The following CCDC178 variants were observed in gnomAD, a reference collection of about 807,000 sequenced individuals.
CCDC178 encodes the protein coiled-coil domain-containing protein 178.
Under a neutral mutation model 117.4 loss-of-function variants are expected in CCDC178, and 126 were observed. The observed-to-expected ratio is 1.07, with a 90% CI of 0.93 to 1.24. The LOEUF is 1.24. Ranked by LOEUF, CCDC178 falls within the 50% of genes most tolerant of loss-of-function variation. The pLI, the probability that CCDC178 is intolerant of heterozygous loss-of-function variation, is 0.00. For synonymous variants in CCDC178, 283 were observed against 313.4 expected (o/e 0.90, Z 1.02); for missense variants, 1,030 against 986.9 (o/e 1.04, Z -0.59).
chr18:33,014,654 C>T (rs562716139), intron 21 of CCDC178, among the ~76,000 whole-genome samples: 21 of 152,276 alleles, frequency 1.4e-4, no homozygotes, highest in Non-Finnish European at 3.1e-4. Flanking sequence ...GTATAACACA[C>T]ACACACAGAG....
intron 20 of CCDC178, among the ~76,000 whole-genome samples, chr18:33,126,782 C>T (rs1039725153): frequency 5.9e-5 from 9 of 152,030 alleles, no homozygotes; most frequent in African/African-American, 2.2e-4. Flanking sequence ...CCTCAGCCTC[C>T]CGAGTAGCTG....
intron 3 of CCDC178, among the ~76,000 whole-genome samples, chr18:33,403,625 A>C (rs544733892): frequency 8.5e-5 from 13 of 152,356 alleles, no homozygotes; most frequent in Non-Finnish European, 1.5e-4. Context: ...TTCTCTTAAA[A>C]GAAAAAGCTG....
At chr18:33,068,157 A>C (rs868239018) in intron 21 of CCDC178, among the ~76,000 whole-genome samples, 3 of 152,276 alleles carry the variant, frequency 2.0e-5, no homozygotes, top group Non-Finnish European at 4.4e-5. Flanking sequence ...AATGAGTAAC[A>C]AGGTTGAATC....
chr18:32,960,853 T>C (rs2054690334), intron 22 of CCDC178, among the ~76,000 whole-genome samples: 1 of 152,194 alleles, frequency 6.6e-6, no homozygotes, highest in African/African-American at 2.4e-5. Flanking sequence ...TGACCCATAA[T>C]ATATTTACAA....
intron 11 of CCDC178, among the ~76,000 whole-genome samples, chr18:33,299,274 A>G (rs1367494273): frequency 6.6e-6 from 1 of 152,130 alleles, no homozygotes; most frequent in African/African-American, 2.4e-5. Flanking sequence ...ACTAAACAAC[A>G]TAGAAAACCC....
chr18:33,333,506 C>CTTTTTTTTTTTTTT, intron 9 of CCDC178, 112 bp from the exon 10 acceptor site: 1 of 147,902 alleles, frequency 6.8e-6, no homozygotes, highest in Non-Finnish European at 1.2e-5. Context: ...AATCTTACTA[C>CTTTTTTTTTTTTTT]TTTTTTTTTT....
chr18:33,431,970 A>G (rs370563876), intron 2 of CCDC178, among the ~76,000 whole-genome samples: 7 of 152,208 alleles, frequency 4.6e-5, no homozygotes, highest in East Asian at 1.9e-4. Flanking sequence ...GAGCCCAGCA[A>G]GGCTATGGTA....
At chr18:33,100,913 A>T (rs955549595) in intron 20 of CCDC178, among the ~76,000 whole-genome samples, 2 of 152,014 alleles carry the variant, frequency 1.3e-5, no homozygotes, top group Admixed American at 1.3e-4. Flanking sequence ...ATTATGTAAT[A>T]AGAAAAGGAG....
At chr18:33,141,378 G>A (rs1052594127) in intron 20 of CCDC178, among the ~76,000 whole-genome samples, 1 of 152,010 alleles carries the variant, frequency 6.6e-6, no homozygotes, top group Non-Finnish European at 1.5e-5. Context: ...CTCTGGCCTA[G>A]CCCCCAAACA....
intron 20 of CCDC178, among the ~76,000 whole-genome samples, chr18:33,148,348 G>C (rs1000387267): frequency 6.6e-6 from 1 of 152,178 alleles, no homozygotes; most frequent in Admixed American, 6.5e-5. Flanking sequence ...CAGGCAGGGA[G>C]GTTGCAGTGA....
chr18:33,011,767 CAAAAAAAAAAAAAAAAAAAAAAAAAAAA>C (rs71177899), intron 21 of CCDC178, among the ~76,000 whole-genome samples: 304 of 30,012 alleles, frequency 0.01, 8 homozygotes, highest in African/African-American at 0.02. Context: ...GAGCAGAATG[CAAAAAAAAAAAAAAAAAAAAAAAAAAAA>C]AAAAAAAAAA....
At chr18:32,975,027 C>A (rs954034701) in intron 21 of CCDC178, among the ~76,000 whole-genome samples, 9 of 152,190 alleles carry the variant, frequency 5.9e-5, no homozygotes, top group Admixed American at 4.6e-4. Flanking sequence ...ACATATTGAA[C>A]CTTTCTTGAA....
chr18:33,403,400 A>G (rs1568204676), intron 3 of CCDC178, among the ~76,000 whole-genome samples: 1 of 151,976 alleles, frequency 6.6e-6, no homozygotes, highest in Non-Finnish European at 1.5e-5. Flanking sequence ...GGGAAAGCAA[A>G]CCCTAGAGAA....
At chr18:33,064,040 C>T (rs1326002973) in intron 21 of CCDC178, among the ~76,000 whole-genome samples, 1 of 152,170 alleles carries the variant, frequency 6.6e-6, no homozygotes, top group African/African-American at 2.4e-5. Flanking sequence ...AAGTCTTTCC[C>T]TATGAATACC....
chr18:33,310,693 T>A (rs2062328939), intron 11 of CCDC178, among the ~76,000 whole-genome samples: 2 of 152,054 alleles, frequency 1.3e-5, no homozygotes, highest in African/African-American at 4.8e-5. Context: ...CTGAAAAAAA[T>A]AATTAATTTA....
rs1030097010 is a variant in CCDC178 at position 33,315,159 on chromosome 18, A to G, written c.1022+8332T>C. 2.6e-5 allele frequency among the ~76,000 whole-genome samples: 4 copies of G among 152,180 alleles called. No homozygotes were observed. The East Asian group carries it at 7.7e-4, about 29-fold the overall frequency. On this transcript the variant is annotated intron_variant, in intron 11 of 22. Transcript: ENST00000383096. The stretch of plus-strand genomic sequence containing the variant: ...ACAACAGGTATAGAAATTCTAGCCT[A>G]TAAGACTAGTGATGCCCTTACCCTC...
At chr18:33,003,466 C>T (rs564595091) in intron 21 of CCDC178, among the ~76,000 whole-genome samples, 31 of 152,134 alleles carry the variant, frequency 2.0e-4, no homozygotes, top group African/African-American at 7.5e-4. Context: ...GCTGTAAAAA[C>T]ATTTGATAAA....
chr18:33,364,956 G>A (rs1204326272), intron 6 of CCDC178, among the ~76,000 whole-genome samples: 2 of 151,968 alleles, frequency 1.3e-5, no homozygotes, highest in African/African-American at 4.8e-5. Context: ...CAGCAGACCA[G>A]GGGTGGGAGT....
intron 12 of CCDC178, among the ~76,000 whole-genome samples, chr18:33,288,332 C>T (rs1373379420): frequency 9.2e-6 from 1 of 108,924 alleles, no homozygotes; most frequent in Non-Finnish European, 1.9e-5. Context: ...CCTCTTCCCT[C>T]CTCTCTCCTC....
Sources: gnomAD v4.1 joint callset for allele counts (sites outside exome capture counted in the v4.1 genomes callset) on GRCh38, gnomAD v4.1.1 for gene constraint, MANE v1.5 for transcripts, NCBI Gene and HGNC (gene_info 2026-07-23, HGNC 2026-07-21) for gene names.